Variants in MEF2A observed in about 807,000 individuals in gnomAD.
MEF2A encodes the protein myocyte-specific enhancer factor 2A.
In MEF2A, 28 loss-of-function variants were observed where a neutral mutation model predicts 55.8. That is an observed-to-expected ratio of 0.50 (90% CI 0.37 to 0.69). The LOEUF (loss-of-function observed/expected upper bound fraction) is 0.69. Ranked by LOEUF, MEF2A falls within the 30% of genes least tolerant of loss-of-function variation. The probability of loss-of-function intolerance (pLI) is 0.00; values close to 1 mark genes in which losing one functional copy is unlikely to be tolerated. For missense variants in MEF2A, 528 were observed against 626.2 expected (o/e 0.84, Z 1.67); for synonymous variants, 239 against 227.1 (o/e 1.05, Z -0.47).
intron 4 of MEF2A, among the ~76,000 whole-genome samples, chr15:99,652,425 T>G (rs185316093): frequency 6.6e-6 from 1 of 152,342 alleles, no homozygotes; most frequent in African/African-American, 2.4e-5. Context: ...CTGTGCAACC[T>G]GGTTCCTAAC....
chr15:99,609,356 A>G (rs569392661), intron 2 of MEF2A, among the ~76,000 whole-genome samples: 2 of 152,244 alleles, frequency 1.3e-5, no homozygotes, highest in African/African-American at 2.4e-5. Context: ...TCAGAACTTC[A>G]TAAAATTAGT....
At chr15:99,675,108 C>T (rs2051693633) in intron 6 of MEF2A, among the ~76,000 whole-genome samples, 1 of 152,262 alleles carries the variant, frequency 6.6e-6, no homozygotes, top group Admixed American at 6.5e-5. Context: ...AATCATACTC[C>T]TTACACACTG....
At chr15:99,597,130 G>C (rs993966608) in intron 1 of MEF2A, among the ~76,000 whole-genome samples, 2 of 152,200 alleles carry the variant, frequency 1.3e-5, no homozygotes, top group Admixed American at 1.3e-4. Flanking sequence ...GGCAGCAAGA[G>C]AGATAACCTT....
At chr15:99,678,845 AATAT>A (rs2052641193) in intron 7 of MEF2A, 1 of 187,998 alleles carries the variant, frequency 5.3e-6, no homozygotes, top group Non-Finnish European at 9.9e-6. Context: ...AGAATGGGAG[AATAT>A]ATATAGTATG....
intron 4 of MEF2A, among the ~76,000 whole-genome samples, chr15:99,655,654 T>C (rs781393324): frequency 1.1e-4 from 17 of 152,058 alleles, no homozygotes; most frequent in Non-Finnish European, 2.4e-4. Context: ...TTGAGAATTA[T>C]AGAAAGAGGA....
At chr15:99,574,445 T>C (rs537669245) in intron 1 of MEF2A, among the ~76,000 whole-genome samples, 16 of 152,222 alleles carry the variant, frequency 1.1e-4, no homozygotes, top group Non-Finnish European at 1.6e-4. Context: ...GAAATACTTA[T>C]ACAACTCACC....
At chr15:99,690,616 AT>A (rs2055224744) in intron 8 of MEF2A, 188 bp downstream of exon 8, 1 of 726,338 alleles carries the variant, frequency 1.4e-6, no homozygotes, top group African/African-American at 1.7e-5. Flanking sequence ...GATTATGGAA[AT>A]TTGCTTAACA....
At chr15:99,611,576 A>T (rs1051155077) in intron 2 of MEF2A, among the ~76,000 whole-genome samples, 1 of 152,222 alleles carries the variant, frequency 6.6e-6, no homozygotes, top group Non-Finnish European at 1.5e-5. Context: ...GCTGGTGGTA[A>T]TGTGAAATGC....
intron 3 of MEF2A, among the ~76,000 whole-genome samples, chr15:99,643,170 C>T (rs1363889453): frequency 6.6e-6 from 1 of 151,978 alleles, no homozygotes; most frequent in Non-Finnish European, 1.5e-5. Flanking sequence ...ATTACGTTAC[C>T]TCTTTCATGT....
At chr15:99,701,321 T>G (rs1283318327) in intron 8 of MEF2A, among the ~76,000 whole-genome samples, 1 of 152,188 alleles carries the variant, frequency 6.6e-6, no homozygotes, top group Non-Finnish European at 1.5e-5. Flanking sequence ...TGATTATGAA[T>G]GAAAATCAGA....
intron 1 of MEF2A, among the ~76,000 whole-genome samples, chr15:99,594,696 A>G (rs1970569477): frequency 6.6e-6 from 1 of 152,142 alleles, no homozygotes; most frequent in South Asian, 2.1e-4. Context: ...TGCAAGAGAC[A>G]CTTGCCACTC....
intron 1 of MEF2A, among the ~76,000 whole-genome samples, chr15:99,574,722 C>T (rs1555443657): frequency 6.6e-6 from 1 of 152,202 alleles, no homozygotes. Flanking sequence ...AAGGTTCACT[C>T]ACTGGCATGC....
At chr15:99,611,132 C>T (rs1169258240) in intron 2 of MEF2A, among the ~76,000 whole-genome samples, 3 of 152,144 alleles carry the variant, frequency 2.0e-5, no homozygotes, top group Non-Finnish European at 4.4e-5. Context: ...ATCCCAGCTA[C>T]TCAGGAGGCT....
At chr15:99,624,799 A>G (rs1424378302) in intron 2 of MEF2A, among the ~76,000 whole-genome samples, 2 of 152,238 alleles carry the variant, frequency 1.3e-5, no homozygotes, top group Admixed American at 1.3e-4. Context: ...ATCTATTAAT[A>G]TAAAACATCT....
At chr15:99,583,122 T>A (rs1966414154) in intron 1 of MEF2A, among the ~76,000 whole-genome samples, 1 of 152,172 alleles carries the variant, frequency 6.6e-6, no homozygotes, top group Non-Finnish European at 1.5e-5. Context: ...TAAGACCTTT[T>A]GGAATTTTTA....
At chr15:99,601,866 A>G (rs1973209149) in intron 2 of MEF2A, among the ~76,000 whole-genome samples, 4 of 144,098 alleles carry the variant, frequency 2.8e-5, no homozygotes, top group Admixed American at 7.0e-5. Flanking sequence ...TGTCAGGGTA[A>G]TGCTGGTCTC....
At chr15:99,602,865 A>C (rs1462398239) in intron 2 of MEF2A, among the ~76,000 whole-genome samples, 2 of 151,216 alleles carry the variant, frequency 1.3e-5, no homozygotes, top group Non-Finnish European at 2.9e-5. Context: ...AAAACTATGA[A>C]TTTGGTTTCC....
rs183405060 is a variant in MEF2A, at chr15:99,618,577, C to T, written c.-142-14401C>T. Among the ~76,000 whole-genome samples the T allele has an allele frequency of 4.7e-4, 72 of 152,134 alleles. 1 individual carries two copies. Among genetic ancestry groups the T allele is most frequent in the African/African-American group, 1.0e-3 (43 of 41,500 alleles). On this transcript the variant is annotated intron_variant, in intron 2 of 11. Coordinates refer to ENST00000557942, the MANE Select transcript of MEF2A (RefSeq NM_001319206.4). ...AGAGAATATTCTTCTTAGGAAATTT[C>T]GACTTTAAATATTGAGGTGTAAAGG...
chr15:99,700,544 T>C (rs1002359837), intron 8 of MEF2A, among the ~76,000 whole-genome samples: 1 of 152,086 alleles, frequency 6.6e-6, no homozygotes, highest in Admixed American at 6.5e-5. Context: ...TGTGTGTACA[T>C]ATGAATTAGT....
Sources: allele counts gnomAD v4.1 joint callset (sites outside exome capture counted in the v4.1 genomes callset), GRCh38; gene constraint gnomAD v4.1.1; transcripts MANE v1.5; gene names NCBI Gene and HGNC (gene_info 2026-07-23, HGNC 2026-07-21).